DAB1: variants seen among roughly 807,000 people sequenced by gnomAD.
DAB1 encodes the protein DAB adaptor protein 1.
In DAB1, 15 loss-of-function variants were observed where a neutral mutation model predicts 64.6. That is an observed-to-expected ratio of 0.23 (90% CI 0.16 to 0.36). The LOEUF (loss-of-function observed/expected upper bound fraction) is 0.36, where lower values mean the gene tolerates loss of function less well. Ranked by LOEUF, DAB1 falls within the 10% of genes least tolerant of loss-of-function variation. The pLI, the probability that DAB1 is intolerant of heterozygous loss-of-function variation, is 1.00. For synonymous variants in DAB1, 235 were observed against 251.9 expected, an observed-to-expected ratio of 0.93 and a Z score of 0.64; for missense variants, 596 against 706.7, an observed-to-expected ratio of 0.84 and a Z score of 1.78.
At chr1:58,229,691 T>C (rs771316455) in intron 4 of DAB1, among the ~76,000 whole-genome samples, 2 of 152,100 alleles carry the variant, frequency 1.3e-5, no homozygotes, top group African/African-American at 4.8e-5. Flanking sequence ...TGGGGGGCAT[T>C]TGAAGCACTG....
At chr1:57,818,880 A>C (rs1464682429) in intron 6 of DAB1, among the ~76,000 whole-genome samples, 2 of 152,114 alleles carry the variant, frequency 1.3e-5, no homozygotes, top group Non-Finnish European at 2.9e-5. Context: ...AGGAATTTTG[A>C]AATCTGTTAA....
intron 7 of DAB1, among the ~76,000 whole-genome samples, chr1:57,467,874 T>G (rs1473765421): frequency 6.6e-6 from 1 of 152,222 alleles, no homozygotes; most frequent in Non-Finnish European, 1.5e-5. Flanking sequence ...CAGATATACA[T>G]TCTTTAGCAT....
intron 6 of DAB1, among the ~76,000 whole-genome samples, chr1:57,795,614 C>T (rs1650808253): frequency 6.8e-6 from 1 of 147,220 alleles, no homozygotes; most frequent in African/African-American, 2.5e-5. Flanking sequence ...TGACTTGTCT[C>T]TTTATGTATA....
intron 5 of DAB1, among the ~76,000 whole-genome samples, chr1:57,953,364 T>C (rs1205564980): frequency 1.3e-5 from 2 of 152,214 alleles, no homozygotes; most frequent in African/African-American, 4.8e-5. Flanking sequence ...TTGAGTTTTG[T>C]TTATTGCCTG....
At chr1:57,054,523 G>T (rs1649546952) in intron 9 of DAB1, among the ~76,000 whole-genome samples, 2 of 141,304 alleles carry the variant, frequency 1.4e-5, no homozygotes, top group Non-Finnish European at 3.0e-5. Flanking sequence ...TGTCACCCAG[G>T]CTGGAGTGCA....
At chr1:57,018,604 C>T (rs554702014) in intron 11 of DAB1, among the ~76,000 whole-genome samples, 1 of 152,116 alleles carries the variant, frequency 6.6e-6, no homozygotes, top group Non-Finnish European at 1.5e-5. Context: ...TGGAGAACTA[C>T]CCACAGATTC....
At chr1:57,206,909 A>T (rs1665584792) in intron 2 of DAB1, among the ~76,000 whole-genome samples, 1 of 151,252 alleles carries the variant, frequency 6.6e-6, no homozygotes, top group Non-Finnish European at 1.5e-5. Flanking sequence ...AGACACTTAA[A>T]TGACAAACAC....
intron 1 of DAB1, among the ~76,000 whole-genome samples, chr1:57,303,567 ATGAAC>A (rs1673857475): frequency 6.6e-6 from 1 of 152,230 alleles, no homozygotes; most frequent in Non-Finnish European, 1.5e-5. Flanking sequence ...AAGTGAAAAG[ATGAAC>A]AGGGAGAAGC....
At chr1:57,010,176 CA>C (rs1646220178) in intron 14 of DAB1, among the ~76,000 whole-genome samples, 1 of 152,126 alleles carries the variant, frequency 6.6e-6, no homozygotes, top group African/African-American at 2.4e-5. Flanking sequence ...AATGCAGTGA[CA>C]TTTTGCTTAA....
chr1:57,137,187 T>C (rs1392463368), intron 3 of DAB1, among the ~76,000 whole-genome samples: 2 of 152,212 alleles, frequency 1.3e-5, no homozygotes, highest in African/African-American at 4.8e-5. Flanking sequence ...ATAATTTTTA[T>C]CCAAAGATAT....
intron 4 of DAB1, among the ~76,000 whole-genome samples, chr1:58,301,222 G>A (rs547606131): frequency 8.4e-6 from 1 of 118,566 alleles, no homozygotes; most frequent in East Asian, 2.5e-4. Flanking sequence ...GAGCAGATAT[G>A]TGGGGGTGGA....
At chr1:57,082,343 T>C (rs1652630528) in intron 4 of DAB1, among the ~76,000 whole-genome samples, 1 of 152,154 alleles carries the variant, frequency 6.6e-6, no homozygotes, top group South Asian at 2.1e-4. Flanking sequence ...AAAAGACCTT[T>C]ATCACTTCCA....
chr1:57,017,921 G>A (rs1361881811), intron 11 of DAB1, among the ~76,000 whole-genome samples: 1 of 152,108 alleles, frequency 6.6e-6, no homozygotes, highest in African/African-American at 2.4e-5. Context: ...TGCCCCCTAG[G>A]GGTGGCTAGA....
At chr1:58,332,997 G>T (rs1663009548) in intron 4 of DAB1, among the ~76,000 whole-genome samples, 1 of 152,080 alleles carries the variant, frequency 6.6e-6, no homozygotes, top group Admixed American at 6.5e-5. Flanking sequence ...TGCAACCTCT[G>T]CTCCCGGGTT....
At chr1:58,448,058 GAT>G (rs931602965) in intron 3 of DAB1, among the ~76,000 whole-genome samples, 2 of 152,024 alleles carry the variant, frequency 1.3e-5, no homozygotes, top group Non-Finnish European at 2.9e-5. Flanking sequence ...CATCACATAA[GAT>G]AACAACATTC....
chr1:57,559,593 G>C (rs574478678), intron 7 of DAB1, among the ~76,000 whole-genome samples: 1 of 152,162 alleles, frequency 6.6e-6, no homozygotes, highest in Non-Finnish European at 1.5e-5. Flanking sequence ...TTAAAATAGG[G>C]CTTATGGAGG....
intron 6 of DAB1, among the ~76,000 whole-genome samples, chr1:57,695,310 A>G (rs1288545679): frequency 2.1e-4 from 21 of 100,356 alleles, no homozygotes; most frequent in African/African-American, 8.3e-4. Context: ...GAAAGAAAGA[A>G]AGAAAGAAAG....
intron 1 of DAB1, among the ~76,000 whole-genome samples, chr1:57,327,249 G>C (rs1676243296): frequency 6.6e-6 from 1 of 152,034 alleles, no homozygotes; most frequent in African/African-American, 2.4e-5. Context: ...CCTACACACA[G>C]AGCCCTCTTT....
chr1:57,560,397 C>T (rs1423768784), intron 7 of DAB1, among the ~76,000 whole-genome samples: 1 of 152,188 alleles, frequency 6.6e-6, no homozygotes, highest in African/African-American at 2.4e-5. Flanking sequence ...GGAAATAAAT[C>T]CAAGTAAAAT....
Sources: allele counts gnomAD v4.1 joint callset (sites outside exome capture counted in the v4.1 genomes callset), GRCh38; gene constraint gnomAD v4.1.1; transcripts MANE v1.5; gene names NCBI Gene and HGNC (gene_info 2026-07-23, HGNC 2026-07-21).